Variants in LHFPL2 observed in about 807,000 individuals in gnomAD.
LHFPL2 encodes the protein LHFPL tetraspan subfamily member 2 protein.
LHFPL2 carries 7 observed loss-of-function variants against 17.5 expected under a neutral mutation model. The ratio of observed to expected loss-of-function variants is 0.40; its 90% confidence interval spans 0.23 to 0.75. The LOEUF is 0.75. Ranked by LOEUF, LHFPL2 falls within the 30% of genes least tolerant of loss-of-function variation. The pLI is 0.37. For synonymous variants in LHFPL2, 134 were observed against 116.2 expected (o/e 1.15, Z -0.99); for missense variants, 241 against 294.8 (o/e 0.82, Z 1.34).
At chr5:78,591,498 T>C (rs761677232) in intron 2 of LHFPL2, among the ~76,000 whole-genome samples, 13 of 152,170 alleles carry the variant, frequency 8.5e-5, no homozygotes, top group Non-Finnish European at 8.8e-5. Flanking sequence ...TGCTTTTCAA[T>C]GAAATCATCT....
intron 2 of LHFPL2, among the ~76,000 whole-genome samples, chr5:78,578,349 G>A (rs142033603): frequency 2.6e-5 from 4 of 152,290 alleles, no homozygotes; most frequent in East Asian, 3.9e-4. Flanking sequence ...GCTGGGAAGA[G>A]GAGGAGTGAG....
At chr5:78,534,716 TCAGCCCAAA>T (rs1755893146) in intron 3 of LHFPL2, among the ~76,000 whole-genome samples, 1 of 152,168 alleles carries the variant, frequency 6.6e-6, no homozygotes, top group Non-Finnish European at 1.5e-5. Flanking sequence ...CAGGGCCTTC[TCAGCCCAAA>T]CAGGCAGTGT....
chr5:78,527,177 G>A (rs1443528601), intron 3 of LHFPL2, among the ~76,000 whole-genome samples: 1 of 152,116 alleles, frequency 6.6e-6, no homozygotes, highest in Admixed American at 6.5e-5. Context: ...TCATGTCAGT[G>A]AGCAGTGTGA....
chr5:78,591,233 C>G (rs888858422), intron 2 of LHFPL2, among the ~76,000 whole-genome samples: 5 of 152,118 alleles, frequency 3.3e-5, no homozygotes, highest in African/African-American at 9.7e-5. Flanking sequence ...GGCCTAACCC[C>G]CTAATGACCA....
chr5:78,524,510 G>T, intron 3 of LHFPL2, among the ~76,000 whole-genome samples: 1 of 152,230 alleles, frequency 6.6e-6, no homozygotes, highest in East Asian at 1.9e-4. Flanking sequence ...GGGAGGCCAG[G>T]GCAGGCGGAT....
intron 4 of LHFPL2, among the ~76,000 whole-genome samples, chr5:78,508,291 TC>T (rs1327517920): frequency 6.6e-6 from 1 of 152,160 alleles, no homozygotes; most frequent in Non-Finnish European, 1.5e-5. Context: ...AAATACAGAA[TC>T]CTGGTCTCCC....
rs1756819132 is a variant in LHFPL2 at position 78,564,890 on chromosome 5, CAA to C, written c.-244-21_-244-20del. 6.6e-6 allele frequency: 1 copy of C among 152,092 alleles called. No homozygotes were observed. The highest frequency in any genetic ancestry group is 2.4e-5 in the African/African-American group (1 of 41,400). 9.4% of individuals were successfully genotyped at this position (152,092 alleles called of 1,614,324 possible). A position where few individuals can be genotyped will look rare whatever the true frequency, so the allele number is the denominator to read the frequency against. The stretch of plus-strand genomic sequence containing the variant: ...ATGCCACCTGGAAAAACAAATTGAA[CAA>C]AGAGTTAGATTTTAAAAACACATAC... On this transcript the variant is annotated intron_variant, in intron 2 of 4. Transcript: ENST00000380345.
chr5:78,513,070 A>G lies in LHFPL2; in HGVS notation c.-185-2672T>C, dbSNP rs535451594. On this transcript the variant is annotated intron_variant, in intron 3 of 4. Transcript: ENST00000380345. ...ACCCCTGCCTGAATGTAATTTTTCA[A>G]TGAGAACATTCATATTTGTCCTCTT... Among the ~76,000 whole-genome samples the G allele has an allele frequency of 3.3e-5, 5 of 152,226 alleles. No homozygotes were observed. The South Asian group carries it at 6.2e-4, about 19-fold the overall frequency.
chr5:78,631,947 A>G (rs887770425), intron 2 of LHFPL2, among the ~76,000 whole-genome samples: 1 of 151,698 alleles, frequency 6.6e-6, no homozygotes, highest in Admixed American at 6.6e-5. Flanking sequence ...AAAAAAAAAA[A>G]AAAGAAAAAA....
chr5:78,566,788 T>C (rs1756871531), intron 2 of LHFPL2, among the ~76,000 whole-genome samples: 1 of 152,234 alleles, frequency 6.6e-6, no homozygotes, highest in Non-Finnish European at 1.5e-5. Flanking sequence ...TGGTTCTTTG[T>C]TAACTTAATT....
intron 2 of LHFPL2, among the ~76,000 whole-genome samples, chr5:78,617,870 G>A (rs1292601503): frequency 1.3e-5 from 2 of 151,518 alleles, no homozygotes; most frequent in Non-Finnish European, 2.9e-5. Context: ...AAAGTCTGCA[G>A]AGTGGGGCAA....
intron 3 of LHFPL2, among the ~76,000 whole-genome samples, chr5:78,551,116 A>G (rs906463588): frequency 6.6e-6 from 1 of 152,248 alleles, no homozygotes; most frequent in African/African-American, 2.4e-5. Flanking sequence ...TTGTAAAATC[A>G]TCAGGGAAAC....
chr5:78,537,922 C>T (rs1306108290), intron 3 of LHFPL2, among the ~76,000 whole-genome samples: 3 of 152,206 alleles, frequency 2.0e-5, no homozygotes, highest in East Asian at 1.9e-4. Flanking sequence ...TGGCCATAAA[C>T]GCATGATTTA....
At chr5:78,502,688 A>T (rs886982682) in intron 4 of LHFPL2, among the ~76,000 whole-genome samples, 2 of 130,842 alleles carry the variant, frequency 1.5e-5, no homozygotes, top group Non-Finnish European at 3.2e-5. Flanking sequence ...ACAAGGTAAA[A>T]GGCACTTTTA....
rs1309144393 is a variant in LHFPL2 at position 78,585,061 on chromosome 5, C to A, written c.-244-20190G>T. ...TCGCTCTGTCGCCCAGGCTGGAGTG[C>A]AGTGGCGGGATCTCGGCTCATTGCA... is the stretch of plus-strand genomic sequence containing the variant. On this transcript the variant is annotated intron_variant, in intron 2 of 4. Coordinates refer to ENST00000380345, the MANE Select transcript of LHFPL2 (RefSeq NM_005779.3). Among the ~76,000 whole-genome samples, 2 of 79,746 alleles carry A rather than the reference C, an allele frequency of 2.5e-5. 1 individual carries two copies. The highest frequency in any genetic ancestry group is 5.1e-5 in the Non-Finnish European group (2 of 39,412). 52.3% of individuals were successfully genotyped at this position (79,746 alleles called of 152,430 possible).
chr5:78,643,503 G>GT lies in LHFPL2; in HGVS notation c.-350+4995dup, dbSNP rs200616338. Among the ~76,000 whole-genome samples, 1,146 of 148,918 alleles carry GT rather than the reference G, an allele frequency of 7.7e-3. 13 individuals carry two copies. The highest frequency in any genetic ancestry group is 0.025 in the African/African-American group (1,010 of 40,550). ...TGTCTCAAATGCAGGAAAAATTGCT[G>GT]TTTTTTTTTAATAAAAAAGATTGTA... is the stretch of plus-strand genomic sequence containing the variant. On this transcript the variant is annotated intron_variant, in intron 1 of 4. Coordinates refer to ENST00000380345, the MANE Select transcript of LHFPL2 (RefSeq NM_005779.3).
intron 3 of LHFPL2, among the ~76,000 whole-genome samples, chr5:78,551,335 A>T (rs1171404117): frequency 6.6e-6 from 1 of 152,200 alleles, no homozygotes; most frequent in South Asian, 2.1e-4. Flanking sequence ...CTTTTTGAGA[A>T]TGGCTGAACG....
rs1754328917 is a variant in LHFPL2 at position 78,488,593 on chromosome 5, C to G, written c.*304G>C. 1 of 349,478 alleles carries G rather than the reference C, an allele frequency of 2.9e-6. No individual in the cohort carries two copies. The highest frequency in any genetic ancestry group is 5.4e-6 in the Non-Finnish European group (1 of 185,150). The allele number at this position is 349,478 out of a possible 1,614,324, so 21.6% of individuals were successfully genotyped here. On this transcript the variant is annotated 3_prime_UTR_variant, in exon 5 of 5. Transcript: ENST00000380345. ...TTCCGTTACCAGAGAAACTGCTGCC[C>G]TAATGATTTAGATTATTATCCTTCA...
At chr5:78,515,601 C>T (rs1755268572) in intron 3 of LHFPL2, among the ~76,000 whole-genome samples, 1 of 152,192 alleles carries the variant, frequency 6.6e-6, no homozygotes, top group African/African-American at 2.4e-5. Context: ...TTGGAAAGAC[C>T]CTCCAGAGTG....
Sources: allele counts gnomAD v4.1 joint callset (sites outside exome capture counted in the v4.1 genomes callset), GRCh38; gene constraint gnomAD v4.1.1; transcripts MANE v1.5; gene names NCBI Gene and HGNC (gene_info 2026-07-23, HGNC 2026-07-21).